GSN: variants seen among roughly 807,000 people sequenced by gnomAD.
The protein encoded by GSN is gelsolin.
A neutral mutation model predicts 85.7 loss-of-function variants in GSN; 56 were observed. The ratio of observed to expected loss-of-function variants is 0.65; its 90% CI spans 0.53 to 0.82. The LOEUF (loss-of-function observed/expected upper bound fraction) is 0.82. Ranked by LOEUF, GSN falls within the 40% of genes least tolerant of loss-of-function variation. GSN has a pLI of 0.00. For missense variants in GSN, 857 were observed against 979.8 expected (o/e 0.87, Z 1.67); for synonymous variants, 373 against 399.1 (o/e 0.93, Z 0.78).
At chr9:121,212,964 G>C (rs1355787921) in intron 4 of GSN, among the ~76,000 whole-genome samples, 1 of 152,028 alleles carries the variant, frequency 6.6e-6, no homozygotes, top group Admixed American at 6.6e-5. Context: ...TCTTGACAAA[G>C]ATCTTTTTCC....
intron 2 of GSN, 41 bp from the exon 3 acceptor site, chr9:121,301,922 A>G (rs771492268): frequency 3.1e-6 from 5 of 1,613,566 alleles, no homozygotes; most frequent in Non-Finnish European, 4.2e-6. Context: ...TCTCCCTGCC[A>G]GGACCCTGCC....
chr9:121,207,660 A>T (rs2053904310), upstream of GSN: 2 of 152,186 alleles, frequency 1.3e-5, no homozygotes, highest in Admixed American at 1.3e-4. Flanking sequence ...GGAGGGAGTT[A>T]ATGAGTAAAT....
chr9:121,215,934 A>G (rs1358559638), intron 4 of GSN, among the ~76,000 whole-genome samples: 1 of 152,142 alleles, frequency 6.6e-6, no homozygotes, highest in Non-Finnish European at 1.5e-5. Flanking sequence ...TTTGAAAAAA[A>G]TAGCTGGGTG....
chr9:121,306,895 A>AT (rs1218754118), intron 4 of GSN, among the ~76,000 whole-genome samples: 2 of 152,246 alleles, frequency 1.3e-5, no homozygotes, highest in African/African-American at 4.8e-5. Flanking sequence ...GAGTTATGTT[A>AT]TAAGGCCGGG....
At position 121,327,748 on chromosome 9, in the gene GSN, C is replaced by T. The variant is rs190023561; in HGVS notation, c.1762+266C>T. Reference sequence around the variant, plus strand: ...CAGCACTTTGGGAGGCTAAGGCGGGCGGATCACCTGAGGTCGGGAGTTCAA... The same window carrying T: ...CAGCACTTTGGGAGGCTAAGGCGGGTGGATCACCTGAGGTCGGGAGTTCAA... On this transcript the variant is annotated intron_variant, in intron 14 of 17. Coordinates refer to ENST00000432226, the MANE Select transcript of GSN (RefSeq NM_198252.3). 1.4e-3 allele frequency among the ~76,000 whole-genome samples: 214 copies of T among 152,190 alleles called. 2 individuals carry two copies. The highest frequency in any genetic ancestry group is 1.5e-3 in the Non-Finnish European group (104 of 67,988).
intron 14 of GSN, among the ~76,000 whole-genome samples, chr9:121,327,898 C>T (rs903587950): frequency 6.6e-6 from 1 of 152,090 alleles, no homozygotes; most frequent in African/African-American, 2.4e-5. Flanking sequence ...CACTTCAACC[C>T]GAGAGTTGGA....
intron 4 of GSN, among the ~76,000 whole-genome samples, chr9:121,306,909 G>A (rs907587068): frequency 3.9e-5 from 6 of 152,198 alleles, no homozygotes; most frequent in African/African-American, 9.7e-5. Flanking sequence ...GGCCGGGTGC[G>A]GTGGCTCACA....
At chr9:121,212,016 T>C (rs2053977744) in intron 4 of GSN, among the ~76,000 whole-genome samples, 2 of 152,150 alleles carry the variant, frequency 1.3e-5, no homozygotes, top group Admixed American at 1.3e-4. Context: ...GACTAATGAT[T>C]GAGCTCAAAC....
intron 6 of GSN, among the ~76,000 whole-genome samples, chr9:121,256,921 T>G (rs1287835484): frequency 6.6e-6 from 1 of 151,968 alleles, no homozygotes; most frequent in Non-Finnish European, 1.5e-5. Context: ...AGGAATAAGT[T>G]CTAGAATTTG....
chr9:121,302,305 G>A (rs1029569283), intron 3 of GSN, 138 bp downstream of exon 3: 2 of 984,910 alleles, frequency 2.0e-6, no homozygotes, highest in Non-Finnish European at 3.1e-6. Flanking sequence ...TTCATGCCCT[G>A]AGACGCTAGA....
chr9:121,237,224 T>C (rs565795987), intron 5 of GSN, among the ~76,000 whole-genome samples: 1 of 152,336 alleles, frequency 6.6e-6, no homozygotes, highest in South Asian at 2.1e-4. Flanking sequence ...AAATTTCTTT[T>C]GCTCATCTAT....
chr9:121,293,137 A>G (rs1169517530), intron 2 of GSN, among the ~76,000 whole-genome samples: 1 of 152,168 alleles, frequency 6.6e-6, no homozygotes, highest in Non-Finnish European at 1.5e-5. Flanking sequence ...CCCCATCGGG[A>G]AGGTGGTTGG....
chr9:121,246,619 A>G (rs1030628030), intron 5 of GSN, among the ~76,000 whole-genome samples: 2 of 152,186 alleles, frequency 1.3e-5, no homozygotes, highest in Non-Finnish European at 2.9e-5. Flanking sequence ...CATGAAGAAC[A>G]TAGTTCACAA....
At position 121,327,403 on chromosome 9, in the gene GSN, G is replaced by C. The variant is rs746958954; in HGVS notation, c.1683G>C (p.Glu561Asp). ...TGTGGGTGGGTACAGGAGCCAGCGA[G>C]GCAGAGAAGACGGGGGCCCAGGAGC... ...AYLWVGTGAS[E>D]AEKTGAQELL... The change falls in exon 14 of 18, where the codon GAG becomes GAC. Residue 561 changes from glutamate to aspartate, a missense_variant. Glu to Asp is a conservative substitution (Grantham distance 45). Coordinates refer to ENST00000432226, the MANE Select transcript of GSN (RefSeq NM_198252.3). 1 of 1,613,082 alleles carries C rather than the reference G, an allele frequency of 6.2e-7. No individual in the cohort carries two copies. Among genetic ancestry groups the C allele is most frequent in the Middle Eastern group, 1.7e-4 (1 of 6,002 alleles).
chr9:121,310,947 C>G (rs559828808), intron 5 of GSN, 102 bp downstream of exon 5: 2 of 1,031,304 alleles, frequency 1.9e-6, no homozygotes, highest in East Asian at 5.0e-5. Flanking sequence ...TGCAGGTGGG[C>G]AAACCACAGG....
intron 6 of GSN, chr9:121,313,718 C>T: frequency 1.6e-6 from 1 of 609,364 alleles, no homozygotes; most frequent in South Asian, 1.9e-5. Context: ...GGAGTGTTCT[C>T]CTGGAGTTTC....
chr9:121,298,062 C>G (rs942467989), intron 2 of GSN, among the ~76,000 whole-genome samples: 3 of 152,160 alleles, frequency 2.0e-5, no homozygotes, highest in Non-Finnish European at 4.4e-5. Context: ...AGGCCCAGGC[C>G]TGGACTTGGA....
intron 6 of GSN, among the ~76,000 whole-genome samples, chr9:121,251,187 C>CTTTTTTGTTTTTTTTTTTTTT (rs2054825514): frequency 1.4e-5 from 1 of 73,044 alleles, no homozygotes; most frequent in Non-Finnish European, 2.2e-5. Context: ...CTGATGTGTT[C>CTTTTTTGTTTTTTTTTTTTTT]TTTTTTTTTT....
Position 121,299,941 on chromosome 9 carries a change from C to T in GSN, c.-9-2022C>T, listed in dbSNP as rs2059628666. ...TGCGCGCTGTCGCTGCCCGTCCGCG[C>T]GGCCACTGCGTCGCGGGGGGCGTCC... On this transcript the variant is annotated intron_variant, in intron 2 of 17. Transcript: ENST00000432226. The surrounding 1 kb of genome is among the most constrained non-coding windows in gnomAD (Gnocchi z 4.2). 4 of 1,261,928 alleles carry T rather than the reference C, an allele frequency of 3.2e-6. No homozygotes were observed. Among genetic ancestry groups the T allele is most frequent in the African/African-American group, 1.6e-5 (1 of 63,812 alleles). The allele number at this position is 1,261,928 out of a possible 1,614,324, so 78.2% of individuals were successfully genotyped here.
Sources: gnomAD v4.1 joint callset for allele counts (sites outside exome capture counted in the v4.1 genomes callset) on GRCh38, gnomAD v4.1.1 for gene constraint, Gnocchi (gnomAD v3.1) non-coding constraint, MANE v1.5 for transcripts, NCBI Gene and HGNC (gene_info 2026-07-23, HGNC 2026-07-21) for gene names.